TNK2: variants seen among roughly 807,000 people sequenced by gnomAD.
The protein encoded by TNK2 is activated CDC42 kinase 1.
A neutral mutation model predicts 101.8 loss-of-function variants in TNK2; 83 were observed. The observed-to-expected ratio is 0.82, with a 90% confidence interval of 0.68 to 0.98. The LOEUF is 0.98. Ranked by LOEUF, TNK2 falls within the 50% of genes least tolerant of loss-of-function variation. TNK2 has a pLI of 0.00. For missense variants in TNK2, 1,665 were observed against 1,483.2 expected (o/e 1.12, Z -2.01); for synonymous variants, 804 against 633.0 (o/e 1.27, Z -4.06).
intron 1 of TNK2, chr3:195,895,474 G>C (rs1297772796): frequency 7.3e-7 from 1 of 1,370,474 alleles, no homozygotes; most frequent in Non-Finnish European, 9.4e-7. Flanking sequence ...ATCCGCCATC[G>C]GCCGGCGGCC....
At chr3:195,869,568 G>C in intron 11 of TNK2, 27 bp from the exon 12 acceptor site, 1 of 1,550,646 alleles carries the variant, frequency 6.4e-7, no homozygotes, top group Non-Finnish European at 8.7e-7. Flanking sequence ...GCGGACAGGG[G>C]GAGAGAGACG....
At chr3:195,892,050 G>A (rs949020018) in intron 1 of TNK2, 12 of 1,015,246 alleles carry the variant, frequency 1.2e-5, no homozygotes, top group Admixed American at 5.4e-5. Context: ...GGGTGACTCC[G>A]CAGGGGTCCG....
intron 11 of TNK2, 199 bp from the exon 12 acceptor site, chr3:195,869,740 C>A (rs1243533674): frequency 4.8e-6 from 3 of 627,858 alleles, no homozygotes; most frequent in African/African-American, 1.8e-5. Context: ...GTATGATAGG[C>A]AGAGGACCGG....
At position 195,868,246 on chromosome 3, in the gene TNK2, G is replaced by C. The variant is rs199684133; in HGVS notation, c.2052C>G (p.Asn684Lys). Reference sequence around the variant, plus strand: ...GCGCCTGCTCAGGCACAAAGGCGTAGTTGGTCTGGCCCTGGCTGGGCCCGG... The same window carrying C: ...GCGCCTGCTCAGGCACAAAGGCGTACTTGGTCTGGCCCTGGCTGGGCCCGG... ...VPAGPSQGQT[N>K]YAFVPEQARP... Residue 684 changes from asparagine (N) to lysine (K), a missense_variant, in exon 13 of 16, where the codon AAC (asparagine) becomes AAG (lysine). Asn to Lys is a moderately conservative substitution (Grantham distance 94). Transcript: ENST00000672887. 1.1e-5 allele frequency: 18 copies of C among 1,605,378 alleles called. No homozygotes were observed. The highest frequency in any genetic ancestry group is 1.5e-5 in the Non-Finnish European group (18 of 1,179,560).
chr3:195,888,439 G>A lies in TNK2; in HGVS notation c.150C>T (p.Gly50=). The change falls in exon 2 of 16, where the codon GGC becomes GGT. Residue 50 remains glycine (G), a synonymous_variant. Transcript: ENST00000672887. The surrounding 1 kb of genome is among the most constrained non-coding windows in gnomAD (Gnocchi z 5.3). ...YVKNEDLEKI[G]MGRPGQRRLW... ...CATCCCACCTACCAGGCCGACCCAT[G>A]CCGATCTTCTCCAGGTCCTCATTCT... The A allele has an allele frequency of 6.2e-7, 1 of 1,613,704 alleles. No individual in the cohort carries two copies. The highest frequency in any genetic ancestry group is 1.1e-5 in the South Asian group (1 of 91,058).
At chr3:195,870,325 C>T (rs1405456648) in intron 10 of TNK2, 120 bp from the exon 11 acceptor site, 10 of 1,531,688 alleles carry the variant, frequency 6.5e-6, no homozygotes, top group South Asian at 2.3e-5. Context: ...GAAGCACAGG[C>T]CTCCCGCCTC....
At chr3:195,866,252 G>A (rs1046709302) in intron 15 of TNK2, among the ~76,000 whole-genome samples, 6 of 151,984 alleles carry the variant, frequency 3.9e-5, no homozygotes, top group Non-Finnish European at 7.4e-5. Context: ...CCAGGATGGA[G>A]TGCAGTGGTG....
chr3:195,871,597 C>T (rs778797851), intron 10 of TNK2, among the ~76,000 whole-genome samples: 10 of 152,238 alleles, frequency 6.6e-5, no homozygotes, highest in South Asian at 2.1e-4. Flanking sequence ...CAGCTCCCAC[C>T]GGGTTCCTCC....
intron 1 of TNK2, among the ~76,000 whole-genome samples, chr3:195,890,233 C>A (rs559648682): frequency 2.0e-5 from 3 of 152,170 alleles, no homozygotes; most frequent in African/African-American, 7.2e-5. Context: ...TGCACAGCCC[C>A]CTATGGGACA....
chr3:195,896,202 G>A (rs940802928), intron 1 of TNK2: 32 of 428,500 alleles, frequency 7.5e-5, no homozygotes, highest in Admixed American at 2.4e-4. Flanking sequence ...CCTCTCCCCC[G>A]GGGCCCCAAG....
intron 2 of TNK2, among the ~76,000 whole-genome samples, chr3:195,887,961 T>G (rs868048321): frequency 8.6e-6 from 1 of 116,892 alleles, no homozygotes; most frequent in Non-Finnish European, 2.0e-5. Flanking sequence ...CCTGCGTGTG[T>G]GTGTGTGTGT....
intron 9 of TNK2, among the ~76,000 whole-genome samples, chr3:195,874,315 C>T (rs1448874928): frequency 6.6e-6 from 1 of 152,244 alleles, no homozygotes; most frequent in Non-Finnish European, 1.5e-5. Context: ...GGCACAGAAG[C>T]CTCCTTTGGG....
At chr3:195,883,590 G>A (rs1754246568) in intron 4 of TNK2, 1 of 384,022 alleles carries the variant, frequency 2.6e-6, no homozygotes, top group East Asian at 4.5e-5. Context: ...TAACCAGTAT[G>A]ATGAGAGAAT....
intron 11 of TNK2, 49 bp downstream of exon 11, chr3:195,870,065 C>T: frequency 1.5e-6 from 2 of 1,371,518 alleles, no homozygotes; most frequent in Non-Finnish European, 1.9e-6. Flanking sequence ...AGTGCCCCTT[C>T]CTGAGTAGCC....
chr3:195,886,853 A>G lies in TNK2; in HGVS notation c.234+124T>C, dbSNP rs921904597. 36 of 1,070,556 alleles carry G rather than the reference A, an allele frequency of 3.4e-5. No individual in the cohort carries two copies. Among genetic ancestry groups the G allele is most frequent in the Middle Eastern group, 4.0e-4 (2 of 4,960 alleles). The allele number at this position is 1,070,556 out of a possible 1,614,324, so 66.3% of individuals were successfully genotyped here. A position where few individuals can be genotyped will look rare whatever the true frequency, so the allele number is the denominator to read the frequency against. ...GACCCTGGACGAGGGGGTCCTGTAC[A>G]AAGTGCCGGCAGAACGGCGAGATTC... On this transcript the variant is annotated intron_variant, in intron 3 of 15. Coordinates refer to ENST00000672887, the MANE Select transcript of TNK2 (RefSeq NM_001382273.1). The surrounding 1 kb of genome is among the most constrained non-coding windows in gnomAD (Gnocchi z 4.2).
intron 1 of TNK2, among the ~76,000 whole-genome samples, chr3:195,907,415 C>G (rs1281606698): frequency 6.6e-6 from 1 of 152,234 alleles, no homozygotes; most frequent in African/African-American, 2.4e-5. Flanking sequence ...GGACAGGGGT[C>G]TGGGTCCATC....
chr3:195,883,397 A>C, intron 4 of TNK2, 88 bp from the exon 5 acceptor site: 2 of 1,508,370 alleles, frequency 1.3e-6, no homozygotes, highest in Non-Finnish European at 1.8e-6. Context: ...ACTCGGCTCA[A>C]CGATCCCTGC....
chr3:195,893,502 A>G (rs1398483589), intron 1 of TNK2, among the ~76,000 whole-genome samples: 1 of 152,126 alleles, frequency 6.6e-6, no homozygotes, highest in Non-Finnish European at 1.5e-5. Flanking sequence ...TGTCTCCTGT[A>G]TAACCCCTGA....
chr3:195,881,542 C>T (rs1408911172), intron 6 of TNK2, among the ~76,000 whole-genome samples: 1 of 106,694 alleles, frequency 9.4e-6, no homozygotes, highest in African/African-American at 4.0e-5. Context: ...ACACCCCCCC[C>T]AGCAATGCCC....
Sources: gnomAD v4.1 joint callset for allele counts (sites outside exome capture counted in the v4.1 genomes callset) on GRCh38, gnomAD v4.1.1 for gene constraint, Gnocchi (gnomAD v3.1) non-coding constraint, MANE v1.5 for transcripts, NCBI Gene and HGNC (gene_info 2026-07-23, HGNC 2026-07-21) for gene names.